SIK3: variants seen among roughly 807,000 people sequenced by gnomAD.
SIK3 encodes serine/threonine-protein kinase SIK3.
SIK3 carries 28 observed loss-of-function variants against 144.2 expected under a neutral mutation model. That is an observed-to-expected ratio of 0.19 (90% CI 0.14 to 0.27). SIK3 has a LOEUF of 0.27. SIK3 is among the 10% of genes least tolerant of loss of function. The pLI is 1.00. For missense variants in SIK3, 1,319 were observed against 1,776.0 expected (o/e 0.74, Z 4.62); for synonymous variants, 686 against 676.3 (o/e 1.01, Z -0.22).
chr11:117,051,925 C>G (rs1266455318), intron 1 of SIK3, among the ~76,000 whole-genome samples: 1 of 151,766 alleles, frequency 6.6e-6, no homozygotes, highest in Non-Finnish European at 1.5e-5. Context: ...AGGTGGATCA[C>G]GAGGTCAGGA....
At chr11:116,986,379 T>C (rs2135537321) in intron 1 of SIK3, among the ~76,000 whole-genome samples, 1 of 152,278 alleles carries the variant, frequency 6.6e-6, no homozygotes, top group Non-Finnish European at 1.5e-5. Flanking sequence ...TTATTAGCTG[T>C]TCTTGTTGTT....
chr11:116,934,248 C>T (rs549568697), intron 3 of SIK3, among the ~76,000 whole-genome samples: 10 of 152,274 alleles, frequency 6.6e-5, no homozygotes, highest in East Asian at 1.9e-4. Context: ...CGGTATCTGA[C>T]GCATATTAAG....
At position 117,013,903 on chromosome 11, in the gene SIK3, GGGGGGGGGGAGGGTGTGT is replaced by G. The variant is rs1303516577; in HGVS notation, c.274-56857_274-56840del. 4.0e-4 allele frequency among the ~76,000 whole-genome samples: 21 copies of G among 52,766 alleles called. 2 individuals carry two copies. Among genetic ancestry groups the G allele is most frequent in the African/African-American group, 1.1e-3 (19 of 16,838 alleles). 34.6% of individuals were successfully genotyped at this position (52,766 alleles called of 152,430 possible). ...GATATAAGTCTCCAGATTCTGAGGG[GGGGGGGGGGAGGGTGTGT>G]GTGTGTGTGTGTGTGTGTGTGTGTG... On this transcript the variant is annotated intron_variant, in intron 1 of 24. Coordinates refer to ENST00000445177, the MANE Select transcript of SIK3 (RefSeq NM_001366686.3).
intron 1 of SIK3, among the ~76,000 whole-genome samples, chr11:117,055,572 G>A (rs967022906): frequency 2.6e-5 from 4 of 152,208 alleles, no homozygotes; most frequent in African/African-American, 9.6e-5. Flanking sequence ...AGGAGCCAAG[G>A]ACAAAATCCA....
intron 15 of SIK3, among the ~76,000 whole-genome samples, chr11:116,866,934 C>T (rs1449587629): frequency 6.6e-6 from 1 of 152,156 alleles, no homozygotes; most frequent in Non-Finnish European, 1.5e-5. Context: ...CAACGTGGCA[C>T]TAATTATGTC....
intron 1 of SIK3, among the ~76,000 whole-genome samples, chr11:116,974,552 G>T (rs549315529): frequency 6.7e-6 from 1 of 149,756 alleles, no homozygotes; most frequent in East Asian, 2.0e-4. Flanking sequence ...CACCATAGGG[G>T]TTTCTGTTTG....
At chr11:116,939,382 G>A (rs1168008020) in intron 3 of SIK3, among the ~76,000 whole-genome samples, 1 of 152,192 alleles carries the variant, frequency 6.6e-6, no homozygotes, top group Non-Finnish European at 1.5e-5. Context: ...TCCTGACCTC[G>A]TGATCCACCT....
At chr11:117,020,788 T>C (rs1951734875) in intron 1 of SIK3, among the ~76,000 whole-genome samples, 1 of 152,224 alleles carries the variant, frequency 6.6e-6, no homozygotes, top group African/African-American at 2.4e-5. Flanking sequence ...GGCTGTTCAC[T>C]TGTGTCCTTT....
chr11:116,893,641 A>T (rs1945248667), intron 6 of SIK3, among the ~76,000 whole-genome samples: 1 of 152,070 alleles, frequency 6.6e-6, no homozygotes, highest in Non-Finnish European at 1.5e-5. Flanking sequence ...ACTGCATTCC[A>T]ACCTGAGCAA....
At chr11:116,856,380 G>T (rs1345351206) in intron 21 of SIK3, among the ~76,000 whole-genome samples, 1 of 152,102 alleles carries the variant, frequency 6.6e-6, no homozygotes. Flanking sequence ...TCTTATAAAG[G>T]TCTTCCACAG....
intron 4 of SIK3, among the ~76,000 whole-genome samples, chr11:116,900,622 G>T (rs992350782): frequency 2.6e-5 from 4 of 152,086 alleles, no homozygotes; most frequent in African/African-American, 9.7e-5. Context: ...TTCACATCCT[G>T]TGTTTACATG....
intron 1 of SIK3, among the ~76,000 whole-genome samples, chr11:117,053,748 G>A (rs1160165345): frequency 6.7e-6 from 1 of 148,348 alleles, no homozygotes; most frequent in Non-Finnish European, 1.5e-5. Flanking sequence ...CTGGGCTCAA[G>A]TGATCCTTCT....
In SIK3 at chr11:116,859,831, A is replaced by T. The variant is rs528701609; in HGVS notation, c.2426-227T>A. Among the ~76,000 whole-genome samples, 3 of 151,992 alleles carry T rather than the reference A, an allele frequency of 2.0e-5. No homozygotes were observed. The East Asian group carries it at 5.8e-4, about 29-fold the overall frequency. On this transcript the variant is annotated intron_variant, in intron 19 of 24. Transcript: ENST00000445177. ...TTCAGTAGGTCAGGATGGGCCCCTA[A>T]GAATTTGTGTTTCCAACAAGTTCCC...
chr11:116,923,139 C>G (rs1381408659), intron 4 of SIK3, among the ~76,000 whole-genome samples: 3 of 152,182 alleles, frequency 2.0e-5, no homozygotes, highest in African/African-American at 7.2e-5. Flanking sequence ...TGGTCTCAAA[C>G]TCCTGACCTC....
At chr11:116,988,368 A>G (rs1341458296) in intron 1 of SIK3, among the ~76,000 whole-genome samples, 1 of 151,118 alleles carries the variant, frequency 6.6e-6, no homozygotes, top group African/African-American at 2.4e-5. Flanking sequence ...CCCGGGCAAC[A>G]GAGCGAGACT....
At chr11:117,067,117 A>G (rs1954059405) in intron 1 of SIK3, among the ~76,000 whole-genome samples, 1 of 152,232 alleles carries the variant, frequency 6.6e-6, no homozygotes. Flanking sequence ...ACAATTTGGC[A>G]GTTTCTTTAA....
In SIK3 at chr11:116,858,013, C is replaced by T. The variant is rs1474376832; in HGVS notation, c.3452G>A (p.Gly1151Glu). The T allele has an allele frequency of 4.3e-6, 7 of 1,613,920 alleles. No individual in the cohort carries two copies. Among genetic ancestry groups the T allele is most frequent in the Non-Finnish European group, 5.9e-6 (7 of 1,179,960 alleles). Residue 1151 changes from glycine to glutamate, a missense_variant, in exon 21 of 25, where the codon GGG (glycine) becomes GAG (glutamate). Gly to Glu is a moderately conservative substitution (Grantham distance 98, BLOSUM62 -2). Transcript: ENST00000445177. This position sits in a 1 kb window ranked among gnomAD's most constrained non-coding sequence, Gnocchi z 5.4. ...ACTGTCTTGGAAGCCATCCTTGGCC[C>T]CCTCACACGAGCAGTCCTCCTCCAT... ...ESMEEDCSCE[G>E]AKDGFQDSKS...
intron 14 of SIK3, among the ~76,000 whole-genome samples, chr11:116,868,337 A>T (rs1943766935): frequency 6.6e-6 from 1 of 152,210 alleles, no homozygotes; most frequent in African/African-American, 2.4e-5. Context: ...GAGAAAGTAG[A>T]TCTAGCTCAC....
chr11:116,947,570 T>TGTATGTATGTATGTA (rs752553527), intron 3 of SIK3, among the ~76,000 whole-genome samples: 2 of 14,108 alleles, frequency 1.4e-4, no homozygotes, highest in African/African-American at 3.9e-4. Context: ...TATGTATGTA[T>TGTATGTATGTATGTA]TTTTTTTTTT....
Sources: allele counts gnomAD v4.1 joint callset (sites outside exome capture counted in the v4.1 genomes callset), GRCh38; gene constraint gnomAD v4.1.1; non-coding constraint Gnocchi (gnomAD v3.1); transcripts MANE v1.5; gene names NCBI Gene and HGNC (gene_info 2026-07-23, HGNC 2026-07-21).